The following LRP6 variants were observed in gnomAD, a reference collection of about 807,000 sequenced individuals.
LRP6 encodes LDL receptor related protein 6, also known as low-density lipoprotein receptor-related protein 6.
A neutral mutation model predicts 184.1 loss-of-function variants in LRP6; 43 were observed. The ratio of observed to expected loss-of-function variants is 0.23; its 90% CI spans 0.18 to 0.30. LRP6 has a LOEUF of 0.30. LRP6 is among the 10% of genes least tolerant of loss of function. LRP6 has a pLI of 1.00. For missense variants in LRP6, 1,571 were observed against 2,005.3 expected, an observed-to-expected ratio of 0.78 and a Z score of 4.14; for synonymous variants, 719 against 684.9, an observed-to-expected ratio of 1.05 and a Z score of -0.78.
At chr12:12,239,064 T>A (rs1262122379) in intron 2 of LRP6, among the ~76,000 whole-genome samples, 1 of 152,186 alleles carries the variant, frequency 6.6e-6, no homozygotes, top group Non-Finnish European at 1.5e-5. Context: ...AGGCCTTGGT[T>A]TCTTCACCCA....
rs766093690 is a variant in LRP6 at position 12,165,125 on chromosome 12, C to T, written c.1716G>A (p.Leu572=). Residue 572 remains leucine, a synonymous_variant, in exon 8 of 23, where the codon CTG becomes CTA. Coordinates refer to ENST00000261349, the MANE Select transcript of LRP6 (RefSeq NM_002336.3). ...SAEREVIIDQ[L]PDLMGLKATN... The stretch of plus-strand genomic sequence containing the variant: ...TAGCCTTTAGGCCCATGAGGTCAGG[C>T]AGCTGATCTATGATCACTTCCCTCT... 10 of 1,614,044 alleles carry T rather than the reference C, an allele frequency of 6.2e-6. No homozygotes were observed. In the South Asian group the frequency reaches 9.9e-5, roughly 16 times the overall value.
chr12:12,159,180 G>A (rs763943831), intron 11 of LRP6, 25 bp from the exon 12 acceptor site: 132 of 1,571,008 alleles, frequency 8.4e-5, no homozygotes, highest in Admixed American at 2.8e-4. Flanking sequence ...GCAGTAGACA[G>A]GGGAGAAGCA....
At chr12:12,208,845 T>C (rs1864133410) in intron 2 of LRP6, among the ~76,000 whole-genome samples, 1 of 152,192 alleles carries the variant, frequency 6.6e-6, no homozygotes, top group Non-Finnish European at 1.5e-5. Context: ...CTATGTCTAT[T>C]ATAATATATG....
At chr12:12,150,193 T>C (rs1950063263) in intron 13 of LRP6, among the ~76,000 whole-genome samples, 1 of 152,168 alleles carries the variant, frequency 6.6e-6, no homozygotes. Context: ...GTATCGATAG[T>C]GATGTGTAAA....
intron 10 of LRP6, among the ~76,000 whole-genome samples, chr12:12,161,413 A>T (rs1000800509): frequency 1.3e-5 from 2 of 152,102 alleles, no homozygotes; most frequent in Non-Finnish European, 2.9e-5. Context: ...GACTACAGAC[A>T]CATGCCACCA....
At chr12:12,129,395 TCAA>T (rs1949715999) in intron 19 of LRP6, among the ~76,000 whole-genome samples, 1 of 152,156 alleles carries the variant, frequency 6.6e-6, no homozygotes, top group African/African-American at 2.4e-5. Flanking sequence ...CTGACACCCC[TCAA>T]CAGAGCCTGT....
Position 12,266,967 on chromosome 12 carries a change from C to T in LRP6, c.-232G>A, listed in dbSNP as rs1485469630. 12 of 542,224 alleles carry T rather than the reference C, an allele frequency of 2.2e-5. No homozygotes were observed. Among genetic ancestry groups the T allele is most frequent in the African/African-American group, 2.0e-4 (10 of 48,976 alleles). 33.6% of individuals were successfully genotyped at this position (542,224 alleles called of 1,614,324 possible). On this transcript the variant is annotated 5_prime_UTR_variant, in exon 1 of 23. Coordinates refer to ENST00000261349, the MANE Select transcript of LRP6 (RefSeq NM_002336.3). The stretch of plus-strand genomic sequence containing the variant: ...ACGCCAGCGTCTGCTTCCATCCCGC[C>T]GCCTCCTCCCCCGGCGCCCCGCTTC...
At chr12:12,205,614 T>C (rs1001183675) in intron 2 of LRP6, among the ~76,000 whole-genome samples, 2 of 152,228 alleles carry the variant, frequency 1.3e-5, no homozygotes, top group Non-Finnish European at 2.9e-5. Flanking sequence ...TACATTATCT[T>C]ACTTAAGCCT....
intron 17 of LRP6, among the ~76,000 whole-genome samples, chr12:12,133,054 G>T (rs1438858819): frequency 6.6e-6 from 1 of 152,126 alleles, no homozygotes; most frequent in African/African-American, 2.4e-5. Context: ...GGGAATTTTA[G>T]GGATTATTTA....
chr12:12,187,906 G>C (rs1472159412), intron 3 of LRP6, among the ~76,000 whole-genome samples: 3 of 152,082 alleles, frequency 2.0e-5, no homozygotes, highest in African/African-American at 7.2e-5. Flanking sequence ...ATTAGAGAGA[G>C]TTATAGAATA....
chr12:12,130,481 C>T (rs1052001084), intron 19 of LRP6, among the ~76,000 whole-genome samples: 23 of 152,078 alleles, frequency 1.5e-4, no homozygotes, highest in African/African-American at 4.8e-4. Flanking sequence ...CCACCACGCC[C>T]GGCTGATTTC....
At chr12:12,146,105 G>A (rs867628809) in intron 15 of LRP6, among the ~76,000 whole-genome samples, 14 of 152,148 alleles carry the variant, frequency 9.2e-5, no homozygotes, top group African/African-American at 3.4e-4. Flanking sequence ...TTGAATGACT[G>A]TAATATTCCA....
intron 2 of LRP6, among the ~76,000 whole-genome samples, chr12:12,218,332 C>G (rs888418856): frequency 2.6e-5 from 4 of 151,790 alleles, no homozygotes; most frequent in Admixed American, 6.6e-5. Context: ...TAAAAATTTG[C>G]CTGGTGTGGT....
chr12:12,141,143 G>C (rs1306671132), intron 15 of LRP6, among the ~76,000 whole-genome samples: 1 of 151,624 alleles, frequency 6.6e-6, no homozygotes, highest in African/African-American at 2.4e-5. Flanking sequence ...GGAAAGAAGG[G>C]GAAGGAGAAG....
chr12:12,147,310 T>C (rs1057510793), intron 15 of LRP6, 56 bp downstream of exon 15: 22 of 1,566,442 alleles, frequency 1.4e-5, no homozygotes, highest in African/African-American at 8.1e-5. Flanking sequence ...AAAAACACAA[T>C]AGATGAATCA....
intron 3 of LRP6, among the ~76,000 whole-genome samples, chr12:12,195,800 C>A (rs1295071623): frequency 6.6e-6 from 1 of 152,004 alleles, no homozygotes; most frequent in Non-Finnish European, 1.5e-5. Flanking sequence ...CTATGGTTTC[C>A]TCTAGCAGTT....
At chr12:12,122,451 G>C (rs1469317363) in intron 22 of LRP6, among the ~76,000 whole-genome samples, 1 of 152,090 alleles carries the variant, frequency 6.6e-6, no homozygotes, top group Non-Finnish European at 1.5e-5. Flanking sequence ...GTGATACAGA[G>C]CACCACCAGG....
chr12:12,216,655 T>TAAAAAAAAAAAAAAAAAAAAAA (rs34936968), intron 2 of LRP6, among the ~76,000 whole-genome samples: 1 of 137,050 alleles, frequency 7.3e-6, no homozygotes, highest in Non-Finnish European at 1.6e-5. Context: ...ACTTAAAATT[T>TAAAAAAAAAAAAAAAAAAAAAA]AAAAAAAAAA....
At chr12:12,220,553 G>A (rs964493115) in intron 2 of LRP6, among the ~76,000 whole-genome samples, 5 of 151,320 alleles carry the variant, frequency 3.3e-5, no homozygotes, top group African/African-American at 1.2e-4. Flanking sequence ...AAAGTAGAGG[G>A]ATTTCTATTA....
Sources: allele counts gnomAD v4.1 joint callset (sites outside exome capture counted in the v4.1 genomes callset), GRCh38; gene constraint gnomAD v4.1.1; transcripts MANE v1.5; gene names NCBI Gene and HGNC (gene_info 2026-07-23, HGNC 2026-07-21).